Variants in RABGAP1L observed in about 807,000 individuals in gnomAD.
The protein encoded by RABGAP1L is RAB GTPase activating protein 1 like.
RABGAP1L carries 63 observed loss-of-function variants against 137.7 expected under a neutral mutation model. That is an observed-to-expected ratio of 0.46 (90% CI 0.37 to 0.56). The LOEUF (loss-of-function observed/expected upper bound fraction) is 0.56, where lower values mean the gene tolerates loss of function less well. RABGAP1L is among the 20% of genes least tolerant of loss of function. The pLI is 0.00. For synonymous variants in RABGAP1L, 431 were observed against 433.7 expected, an observed-to-expected ratio of 0.99 and a Z score of 0.08; for missense variants, 1,095 against 1,244.0, an observed-to-expected ratio of 0.88 and a Z score of 1.80.
Position 174,371,636 on chromosome 1 carries a change from T to A in RABGAP1L, c.1559+564T>A, listed in dbSNP as rs185128552. ...CTTTTTATATTTATGATACATTTTTTAAAATGGTAATTATGACTATCATAT... is the reference window on the plus strand; with the variant it reads ...CTTTTTATATTTATGATACATTTTTAAAAATGGTAATTATGACTATCATAT... On this transcript the variant is annotated intron_variant, in intron 12 of 25. Coordinates refer to ENST00000681986, the MANE Select transcript of RABGAP1L (RefSeq NM_001366446.1). 1.2e-3 allele frequency among the ~76,000 whole-genome samples: 179 copies of A among 152,238 alleles called. 1 individual carries two copies. Among genetic ancestry groups the A allele is most frequent in the African/African-American group, 4.2e-3 (175 of 41,570 alleles).
chr1:174,886,972 A>T (rs993979689), intron 19 of RABGAP1L, among the ~76,000 whole-genome samples: 2 of 151,964 alleles, frequency 1.3e-5, no homozygotes, highest in African/African-American at 2.4e-5. Context: ...ACGCCCAGCT[A>T]ATTTTTGTAT....
chr1:174,729,606 CTTAAACAG>C (rs1261186205), intron 17 of RABGAP1L, among the ~76,000 whole-genome samples: 1 of 152,086 alleles, frequency 6.6e-6, no homozygotes, highest in African/African-American at 2.4e-5. Context: ...CTATAAGGAA[CTTAAACAG>C]TTGAACAAGC....
At chr1:174,717,945 C>T (rs890026587) in intron 17 of RABGAP1L, among the ~76,000 whole-genome samples, 3 of 152,278 alleles carry the variant, frequency 2.0e-5, no homozygotes, top group East Asian at 1.9e-4. Context: ...ATAGTTCACA[C>T]GGAACTAATC....
intron 13 of RABGAP1L, among the ~76,000 whole-genome samples, chr1:174,615,427 A>C (rs964380219): frequency 2.0e-5 from 3 of 151,970 alleles, no homozygotes; most frequent in Admixed American, 2.0e-4. Flanking sequence ...TCTGATCGTT[A>C]CTCTGGAAGT....
chr1:174,536,397 A>T (rs1275254285), intron 13 of RABGAP1L, among the ~76,000 whole-genome samples: 2 of 152,104 alleles, frequency 1.3e-5, no homozygotes, highest in Non-Finnish European at 2.9e-5. Flanking sequence ...GGGTTGGGAG[A>T]TTGAGAGAGG....
At chr1:174,931,877 G>GTAGAAGAC (rs1663852041) in intron 19 of RABGAP1L, among the ~76,000 whole-genome samples, 1 of 151,870 alleles carries the variant, frequency 6.6e-6, no homozygotes, top group African/African-American at 2.4e-5. Context: ...GGCTTCTCTG[G>GTAGAAGAC]TAGAAGACAT....
chr1:174,829,646 A>G lies in RABGAP1L; in HGVS notation c.2340+17686A>G, dbSNP rs1691901777. ...GTTGAAAGAATTGAGGCTAAGATGT[A>G]TATGCCACAGACTTTAAAACAGAGT... On this transcript the variant is annotated intron_variant, in intron 19 of 25. Transcript: ENST00000681986. Among the ~76,000 whole-genome samples the G allele has an allele frequency of 2.7e-5, 4 of 148,562 alleles. 1 individual carries two copies. The highest frequency in any genetic ancestry group is 4.4e-4 in the South Asian group (2 of 4,566).
chr1:174,616,592 GC>G (rs1335776874), intron 13 of RABGAP1L, among the ~76,000 whole-genome samples: 2 of 152,206 alleles, frequency 1.3e-5, no homozygotes, highest in African/African-American at 4.8e-5. Context: ...CAGAGTGAAA[GC>G]CTAGAGGACG....
intron 13 of RABGAP1L, among the ~76,000 whole-genome samples, chr1:174,567,062 T>C (rs1390931904): frequency 6.6e-6 from 1 of 152,096 alleles, no homozygotes; most frequent in Non-Finnish European, 1.5e-5. Context: ...GATAAGTGTA[T>C]AATTCAGTGA....
intron 13 of RABGAP1L, among the ~76,000 whole-genome samples, chr1:174,618,244 G>A (rs1672093622): frequency 6.6e-6 from 1 of 152,230 alleles, no homozygotes; most frequent in Admixed American, 6.5e-5. Context: ...AAAGGCAGCA[G>A]ATTCCTCAGC....
chr1:174,349,677 C>T (rs1172660465), intron 11 of RABGAP1L, among the ~76,000 whole-genome samples: 10 of 123,480 alleles, frequency 8.1e-5, no homozygotes, highest in East Asian at 3.2e-4. Context: ...GCTGGCCGGG[C>T]GTGGGGCTGA....
chr1:174,987,035 G>A (rs747003540), intron 24 of RABGAP1L, among the ~76,000 whole-genome samples: 4 of 152,106 alleles, frequency 2.6e-5, no homozygotes, highest in Non-Finnish European at 5.9e-5. Flanking sequence ...GTTTTTACAT[G>A]TCTAATTAAT....
chr1:174,198,128 TC>T (rs1218770653), intron 1 of RABGAP1L, among the ~76,000 whole-genome samples: 1 of 152,214 alleles, frequency 6.6e-6, no homozygotes, highest in African/African-American at 2.4e-5. Flanking sequence ...CTAATTATAG[TC>T]TAATATATAG....
chr1:174,476,566 A>T (rs965845414), intron 13 of RABGAP1L, among the ~76,000 whole-genome samples: 2 of 152,244 alleles, frequency 1.3e-5, no homozygotes, highest in African/African-American at 4.8e-5. Context: ...CCACAACAAC[A>T]AATTAAAACA....
intron 19 of RABGAP1L, among the ~76,000 whole-genome samples, chr1:174,869,966 A>G (rs1373841256): frequency 1.3e-5 from 2 of 152,158 alleles, no homozygotes; most frequent in Non-Finnish European, 2.9e-5. Flanking sequence ...TAAGTTATCC[A>G]GTCTATGGTA....
chr1:174,973,728 A>G (rs1471910790), intron 21 of RABGAP1L, among the ~76,000 whole-genome samples: 2 of 151,944 alleles, frequency 1.3e-5, no homozygotes, highest in South Asian at 2.1e-4. Flanking sequence ...AAAATTTTAG[A>G]TGGCTCTCCA....
chr1:174,280,048 G>GAGAGAGAGAGA (rs1675362368), intron 10 of RABGAP1L, among the ~76,000 whole-genome samples: 34 of 125,306 alleles, frequency 2.7e-4, no homozygotes, highest in African/African-American at 9.5e-4. Context: ...CTGTCTGCCT[G>GAGAGAGAGAGA]GAGAGAGAGA....
At chr1:174,705,334 C>T (rs1385968578) in intron 17 of RABGAP1L, 2 of 152,108 alleles carry the variant, frequency 1.3e-5, no homozygotes, top group African/African-American at 4.8e-5. Context: ...CTTGAAGATA[C>T]ATGAATTTCT....
chr1:174,578,659 C>T (rs1668536488), intron 13 of RABGAP1L, among the ~76,000 whole-genome samples: 2 of 152,026 alleles, frequency 1.3e-5, no homozygotes, highest in Non-Finnish European at 2.9e-5. Context: ...TAAACTGATC[C>T]ACTGTAAAGT....
Sources: allele counts gnomAD v4.1 joint callset (sites outside exome capture counted in the v4.1 genomes callset), GRCh38; gene constraint gnomAD v4.1.1; transcripts MANE v1.5; gene names NCBI Gene and HGNC (gene_info 2026-07-23, HGNC 2026-07-21).